ZNF550: variants seen among roughly 807,000 people sequenced by gnomAD.
ZNF550 encodes zinc finger protein 550.
In ZNF550, 42 loss-of-function variants were observed where a neutral mutation model predicts 40.2. The observed-to-expected ratio is 1.05, with a 90% CI of 0.82 to 1.35. The LOEUF (loss-of-function observed/expected upper bound fraction) is 1.35, where lower values mean the gene tolerates loss of function less well. Ranked by LOEUF, ZNF550 falls within the 40% of genes most tolerant of loss-of-function variation. The pLI, the probability that ZNF550 is intolerant of heterozygous loss-of-function variation, is 0.00. For missense variants in ZNF550, 549 were observed against 525.2 expected, an observed-to-expected ratio of 1.05 and a Z score of -0.44; for synonymous variants, 223 against 198.6, an observed-to-expected ratio of 1.12 and a Z score of -1.03.
exon 5 of ZNF550, chr19:57,542,505 TAA>T (rs2089969489): frequency 6.6e-6 from 1 of 152,008 alleles, no homozygotes; most frequent in Non-Finnish European, 1.5e-5. Flanking sequence ...CTTCATGATG[TAA>T]AATATTACAT....
upstream of ZNF550, among the ~76,000 whole-genome samples, chr19:57,560,583 C>G (rs2090160339): frequency 6.6e-6 from 1 of 152,166 alleles, no homozygotes; most frequent in Non-Finnish European, 1.5e-5. Flanking sequence ...GAGAGCGGGT[C>G]ATGCACAATG....
chr19:57,550,906 C>T (rs2285668), intron 3 of ZNF550, among the ~76,000 whole-genome samples: 36,077 of 152,092 alleles, frequency 0.24, 4,532 homozygotes, highest in Middle Eastern at 0.29. Context: ...ACACAAGTTA[C>T]AGGGTATTGT....
At chr19:57,544,700 G>T in intron 4 of ZNF550, 1 of 685,990 alleles carries the variant, frequency 1.5e-6, no homozygotes, top group Non-Finnish European at 1.8e-6. Context: ...TATATGCAGT[G>T]CTTTAAAAGG....
chr19:57,547,665 G>A (rs367886699), exon 4 of ZNF550: 84 of 1,614,016 alleles, frequency 5.2e-5, no homozygotes, highest in African/African-American at 2.5e-4. Context: ...GAATCAAGGC[G>A]TCTTTCCCTG....
intron 3 of ZNF550, among the ~76,000 whole-genome samples, chr19:57,551,115 T>C (rs2090069237): frequency 6.6e-6 from 1 of 152,170 alleles, no homozygotes; most frequent in Admixed American, 6.5e-5. Flanking sequence ...GCAGGTATGA[T>C]GCAGGCACTG....
At chr19:57,544,963 A>C (rs1239600103) in intron 4 of ZNF550, among the ~76,000 whole-genome samples, 1 of 152,108 alleles carries the variant, frequency 6.6e-6, no homozygotes, top group African/African-American at 2.4e-5. Context: ...CTCTACTAAA[A>C]ATACAAAAAT....
chr19:57,560,910 T>G (rs2090161694), upstream of ZNF550, among the ~76,000 whole-genome samples: 2 of 152,200 alleles, frequency 1.3e-5, no homozygotes. Context: ...GTTTTCCCCC[T>G]TCTCCTGTGA....
intron 3 of ZNF550, among the ~76,000 whole-genome samples, chr19:57,548,479 T>A (rs2090044412): frequency 6.6e-6 from 1 of 152,204 alleles, no homozygotes; most frequent in Non-Finnish European, 1.5e-5. Flanking sequence ...GAAAAACTGC[T>A]CAATATAATT....
chr19:57,542,582 C>T (rs1373845901), exon 5 of ZNF550: 1 of 151,576 alleles, frequency 6.6e-6, no homozygotes, highest in Non-Finnish European at 1.5e-5. Context: ...TAATATTTTG[C>T]TGTAGTTTGA....
At chr19:57,559,942 A>T (rs1405199922), upstream of ZNF550, 2 of 399,618 alleles carry the variant, frequency 5.0e-6, no homozygotes, top group Non-Finnish European at 4.4e-6. Context: ...CTTGTCCCGT[A>T]AGAGGCCAGG....
At chr19:57,544,435 T>A (rs1053267403) in intron 4 of ZNF550, 2 of 985,040 alleles carry the variant, frequency 2.0e-6, no homozygotes, top group African/African-American at 1.8e-5. Context: ...TCTAGAGGGG[T>A]TTCTCCAACT....
chr19:57,552,185 T>C (rs909052991), intron 3 of ZNF550, among the ~76,000 whole-genome samples: 5 of 152,236 alleles, frequency 3.3e-5, no homozygotes, highest in African/African-American at 1.2e-4. Context: ...ATCACTCTGA[T>C]TTTGTTGAGT....
At chr19:57,548,362 C>G (rs941055877) in intron 3 of ZNF550, among the ~76,000 whole-genome samples, 3 of 151,872 alleles carry the variant, frequency 2.0e-5, no homozygotes, top group Non-Finnish European at 4.4e-5. Flanking sequence ...ATATAAGGAG[C>G]TTAAACCACT....
chr19:57,545,910 A>G (rs923145825), intron 4 of ZNF550, among the ~76,000 whole-genome samples: 19 of 152,072 alleles, frequency 1.2e-4, no homozygotes, highest in African/African-American at 4.6e-4. Context: ...CTACTCAGAA[A>G]CTTGAGGCAA....
At chr19:57,547,428 C>A in exon 4 of ZNF550, 2 of 1,601,064 alleles carry the variant, frequency 1.2e-6, no homozygotes, top group Non-Finnish European at 1.7e-6. Flanking sequence ...GCATGAGGTA[C>A]GACCTGCGTT....
At chr19:57,560,839 G>A (rs2090161479), upstream of ZNF550, among the ~76,000 whole-genome samples, 1 of 152,182 alleles carries the variant, frequency 6.6e-6, no homozygotes, top group Admixed American at 6.5e-5. Context: ...CCCCAATCCT[G>A]TTTGTTAAGG....
upstream of ZNF550, among the ~76,000 whole-genome samples, chr19:57,560,811 C>A (rs1386851544): frequency 6.6e-6 from 1 of 152,128 alleles, no homozygotes; most frequent in Non-Finnish European, 1.5e-5. Context: ...TCAAATCTAG[C>A]GTCATGGGAC....
chr19:57,544,424 T>C (rs2089989961), intron 4 of ZNF550: 1 of 985,380 alleles, frequency 1.0e-6, no homozygotes, highest in African/African-American at 1.7e-5. Flanking sequence ...GCCAATATGT[T>C]TCTAGAGGGG....
At chr19:57,560,452 GA>G (rs1479378810), upstream of ZNF550, among the ~76,000 whole-genome samples, 1 of 152,232 alleles carries the variant, frequency 6.6e-6, no homozygotes, top group East Asian at 1.9e-4. Context: ...TCGTGAGAAA[GA>G]ATGCAGGGAT....
Sources: allele counts gnomAD v4.1 joint callset (sites outside exome capture counted in the v4.1 genomes callset), GRCh38; gene constraint gnomAD v4.1.1; transcripts MANE v1.5; gene names NCBI Gene and HGNC (gene_info 2026-07-23, HGNC 2026-07-21).